Variants in MKLN1 observed in about 807,000 individuals in gnomAD.
MKLN1 encodes muskelin.
MKLN1 carries 18 observed loss-of-function variants against 99.0 expected under a neutral mutation model. The observed-to-expected ratio is 0.18, with a 90% CI of 0.13 to 0.27. The LOEUF is 0.27. Among genes scored for constraint, MKLN1 ranks in the 10% least tolerant of loss-of-function variants. MKLN1 has a pLI of 1.00. For missense variants in MKLN1, 621 were observed against 875.9 expected (o/e 0.71, Z 3.67); for synonymous variants, 288 against 293.2 (o/e 0.98, Z 0.18).
chr7:131,401,155 GGATACAAAAGCTACTTT>G (rs1307807736), intron 6 of MKLN1, among the ~76,000 whole-genome samples: 3 of 152,082 alleles, frequency 2.0e-5, no homozygotes, highest in African/African-American at 7.2e-5. Context: ...TTGTAATGGA[GGATACAAAAGCTACTTT>G]TAGTATTTTT....
At chr7:131,334,692 T>C (rs1799199421) in intron 1 of MKLN1, among the ~76,000 whole-genome samples, 1 of 152,230 alleles carries the variant, frequency 6.6e-6, no homozygotes, top group Non-Finnish European at 1.5e-5. Flanking sequence ...ACAAAGACTT[T>C]GTGATGTTTT....
At chr7:131,366,136 A>G (rs1800174697) in intron 1 of MKLN1, among the ~76,000 whole-genome samples, 1 of 152,206 alleles carries the variant, frequency 6.6e-6, no homozygotes, top group Non-Finnish European at 1.5e-5. Flanking sequence ...TTTATACTGC[A>G]GATAAAATAA....
chr7:131,237,589 T>C (rs559801398), intron 3 of MKLN1, among the ~76,000 whole-genome samples: 2 of 152,122 alleles, frequency 1.3e-5, no homozygotes, highest in Non-Finnish European at 2.9e-5. Flanking sequence ...TTAGGCTGTA[T>C]AATCGAAGTA....
intron 17 of MKLN1, among the ~76,000 whole-genome samples, chr7:131,486,453 G>A (rs752763095): frequency 5.9e-5 from 9 of 152,190 alleles, no homozygotes; most frequent in Non-Finnish European, 1.0e-4. Context: ...AAAGGAATGT[G>A]CTGTTCTTGA....
chr7:131,329,987 T>C (rs1799023535), intron 1 of MKLN1, among the ~76,000 whole-genome samples: 1 of 152,260 alleles, frequency 6.6e-6, no homozygotes, highest in Admixed American at 6.5e-5. Context: ...TAAAGTAAAG[T>C]ATTAGAAGAG....
At chr7:131,137,725 C>A (rs1584784809) in intron 1 of MKLN1, among the ~76,000 whole-genome samples, 2 of 151,878 alleles carry the variant, frequency 1.3e-5, no homozygotes, top group East Asian at 1.9e-4. Flanking sequence ...CGTGCATGCG[C>A]CACCATACCC....
Position 131,487,469 on chromosome 7 carries a change from G to T in MKLN1, c.2087-138G>T, listed in dbSNP as rs1286542448. 2.3e-5 allele frequency: 20 copies of T among 855,346 alleles called. No homozygotes were observed. Among genetic ancestry groups the T allele is most frequent in the Middle Eastern group, 6.9e-4 (2 of 2,890 alleles). The allele number at this position is 855,346 out of a possible 1,614,324, so 53.0% of individuals were successfully genotyped here. A position where few individuals can be genotyped will look rare whatever the true frequency, so the allele number is the denominator to read the frequency against. On this transcript the variant is annotated intron_variant, in intron 17 of 17. Transcript: ENST00000352689. The surrounding 1 kb of genome is among the most constrained non-coding windows in gnomAD (Gnocchi z 4.7). ...ACCACAGCCAGGTAGTAGAACTGGGGTCAGATCAGTAGTGTCTGCCTGGTT... is the reference window on the plus strand; with the variant it reads ...ACCACAGCCAGGTAGTAGAACTGGGTTCAGATCAGTAGTGTCTGCCTGGTT...
chr7:131,168,411 G>A (rs1796166802), intron 2 of MKLN1, among the ~76,000 whole-genome samples: 1 of 152,112 alleles, frequency 6.6e-6, no homozygotes, highest in Non-Finnish European at 1.5e-5. Flanking sequence ...TTAAAAAAAA[G>A]CCACACAACT....
At chr7:131,247,447 C>A (rs1797509535) in intron 3 of MKLN1, among the ~76,000 whole-genome samples, 1 of 152,192 alleles carries the variant, frequency 6.6e-6, no homozygotes, top group South Asian at 2.1e-4. Flanking sequence ...AACTCCTGAC[C>A]TTGTGATCTG....
At chr7:131,355,448 C>A (rs189928957) in intron 1 of MKLN1, among the ~76,000 whole-genome samples, 1 of 151,624 alleles carries the variant, frequency 6.6e-6, no homozygotes, top group East Asian at 1.9e-4. Context: ...CTTATACATA[C>A]ATATATATAT....
At position 131,466,295 on chromosome 7, in the gene MKLN1, G is replaced by A; in HGVS notation, c.1808G>A (p.Gly603Glu). 1 of 1,600,348 alleles carries A rather than the reference G, an allele frequency of 6.2e-7. No individual in the cohort carries two copies. Among genetic ancestry groups the A allele is most frequent in the Non-Finnish European group, 8.5e-7 (1 of 1,171,664 alleles). The change falls in exon 15 of 18, where the codon GGG becomes GAG. Residue 603 changes from glycine (G) to glutamate (E), a missense_variant. This residue lies in a region of MKLN1 where 126 missense variants were observed against 157.4 expected (regional missense o/e 0.80). Coordinates refer to ENST00000352689, the MANE Select transcript of MKLN1 (RefSeq NM_013255.5). ...TTATAGGTTCATTACTTATTTGGTG[G>A]GAATCCAGGAAAATCTTGCTCTCCA... is the stretch of plus-strand genomic sequence containing the variant. ...ELHKVHYLFG[G>E]NPGKSCSPKM...
chr7:131,190,070 A>G (rs1398172511), intron 2 of MKLN1, among the ~76,000 whole-genome samples: 1 of 152,186 alleles, frequency 6.6e-6, no homozygotes, highest in Non-Finnish European at 1.5e-5. Flanking sequence ...TACTTAGAAG[A>G]GTACACCTCA....
At chr7:131,190,595 CAAT>C (rs756593409) in intron 2 of MKLN1, among the ~76,000 whole-genome samples, 3 of 151,440 alleles carry the variant, frequency 2.0e-5, no homozygotes, top group Non-Finnish European at 4.4e-5. Context: ...TCTTCTTTAA[CAAT>C]AATTTATGAT....
chr7:131,187,054 G>T (rs1205524865), intron 2 of MKLN1, among the ~76,000 whole-genome samples: 1 of 152,194 alleles, frequency 6.6e-6, no homozygotes, highest in African/African-American at 2.4e-5. Context: ...AGGCAAGAAG[G>T]ACTGGAGCGC....
At chr7:131,440,606 A>G (rs1352261593) in intron 10 of MKLN1, among the ~76,000 whole-genome samples, 1 of 152,178 alleles carries the variant, frequency 6.6e-6, no homozygotes, top group African/African-American at 2.4e-5. Context: ...ATGAAGACTT[A>G]TCTACAAAGA....
At position 131,491,232 on chromosome 7, in the gene MKLN1, C is replaced by A. The variant is rs1056481216; in HGVS notation, c.*3504C>A. ...AGTCATCTAACTATTAAAAAAAAAACACCCTTCCTAACCCTTCTTTTCTTA... is the reference window on the plus strand; with the variant it reads ...AGTCATCTAACTATTAAAAAAAAAAAACCCTTCCTAACCCTTCTTTTCTTA... On this transcript the variant is annotated 3_prime_UTR_variant, in exon 18 of 18. Coordinates refer to ENST00000352689, the MANE Select transcript of MKLN1 (RefSeq NM_013255.5). 1 of 151,368 alleles carries A rather than the reference C, an allele frequency of 6.6e-6. No homozygotes were observed. Among genetic ancestry groups the A allele is most frequent in the African/African-American group, 2.4e-5 (1 of 41,188 alleles). 9.4% of individuals were successfully genotyped at this position (151,368 alleles called of 1,614,324 possible).
intron 2 of MKLN1, among the ~76,000 whole-genome samples, chr7:131,192,109 T>TAAAA (rs1554534675): frequency 0.017 from 1,401 of 80,230 alleles, 138 homozygotes; most frequent in Admixed American, 0.027. Context: ...TATATATATA[T>TAAAA]TATATATATA....
intron 1 of MKLN1, among the ~76,000 whole-genome samples, chr7:131,364,342 C>CTG (rs1800116012): frequency 6.6e-6 from 1 of 152,004 alleles, no homozygotes; most frequent in South Asian, 2.1e-4. Context: ...TCTAGACTTC[C>CTG]TGTGTGTGTA....
At chr7:131,262,255 GA>G (rs1797743488) in intron 3 of MKLN1, among the ~76,000 whole-genome samples, 1 of 152,066 alleles carries the variant, frequency 6.6e-6, no homozygotes, top group Non-Finnish European at 1.5e-5. Flanking sequence ...CCAACATGGT[GA>G]AACCCTGTCT....
Sources: allele counts gnomAD v4.1 joint callset (sites outside exome capture counted in the v4.1 genomes callset), GRCh38; gene constraint gnomAD v4.1.1; regional missense constraint gnomAD v4.1.1; non-coding constraint Gnocchi (gnomAD v3.1); transcripts MANE v1.5; gene names NCBI Gene and HGNC (gene_info 2026-07-23, HGNC 2026-07-21).